The following TRHDE variants were observed in gnomAD, a reference collection of about 807,000 sequenced individuals.
The protein encoded by TRHDE is thyrotropin-releasing hormone-degrading ectoenzyme.
Under a neutral mutation model 125.7 loss-of-function variants are expected in TRHDE, and 72 were observed. The ratio of observed to expected loss-of-function variants is 0.57; its 90% CI spans 0.47 to 0.70. The LOEUF (loss-of-function observed/expected upper bound fraction) is 0.70, where lower values mean the gene tolerates loss of function less well. TRHDE is among the 30% of genes least tolerant of loss of function. The pLI, the probability that TRHDE is intolerant of heterozygous loss-of-function variation, is 0.00. For missense variants in TRHDE, 1,110 were observed against 1,327.1 expected (o/e 0.84, Z 2.54); for synonymous variants, 509 against 509.1 (o/e 1.00, Z 0.00).
intron 3 of TRHDE, among the ~76,000 whole-genome samples, chr12:72,438,465 A>T (rs1229118145): frequency 2.6e-5 from 4 of 151,872 alleles, no homozygotes; most frequent in African/African-American, 4.8e-5. Flanking sequence ...GATGATAGCC[A>T]TTCTAAGAGG....
At chr12:72,387,875 C>T (rs193211734) in intron 3 of TRHDE, among the ~76,000 whole-genome samples, 1 of 152,284 alleles carries the variant, frequency 6.6e-6, no homozygotes, top group African/African-American at 2.4e-5. Context: ...GAGGCCTCCC[C>T]AGCCATGTGG....
chr12:72,091,397 C>T (rs1206307424), intron 1 of TRHDE, among the ~76,000 whole-genome samples: 5 of 152,150 alleles, frequency 3.3e-5, no homozygotes, highest in African/African-American at 1.2e-4. Context: ...ATGTAAGGTA[C>T]AAGCCTCTTT....
At chr12:72,130,235 G>A (rs533993340) in intron 2 of TRHDE, among the ~76,000 whole-genome samples, 6 of 152,126 alleles carry the variant, frequency 3.9e-5, no homozygotes, top group South Asian at 2.1e-4. Flanking sequence ...CCCGGGAGGC[G>A]GAGGTTGCAG....
intron 2 of TRHDE, among the ~76,000 whole-genome samples, chr12:72,366,350 C>T (rs1421418073): frequency 2.0e-5 from 3 of 152,094 alleles, no homozygotes; most frequent in African/African-American, 4.8e-5. Context: ...AATTCCACAG[C>T]TTAGTAAATA....
At chr12:72,320,444 G>A (rs1277180545) in intron 2 of TRHDE, among the ~76,000 whole-genome samples, 1 of 151,906 alleles carries the variant, frequency 6.6e-6, no homozygotes, top group South Asian at 2.1e-4. Context: ...ATCTGTACAT[G>A]TTCAGTGCAG....
chr12:72,655,842 G>A (rs1385618332), intron 17 of TRHDE, among the ~76,000 whole-genome samples: 1 of 151,976 alleles, frequency 6.6e-6, no homozygotes, highest in African/African-American at 2.4e-5. Flanking sequence ...ATGCCTATTT[G>A]TTTGCTTTTA....
At chr12:72,224,264 ACC>A (rs66698655) in intron 2 of TRHDE, among the ~76,000 whole-genome samples, 3 of 150,010 alleles carry the variant, frequency 2.0e-5, no homozygotes, top group Non-Finnish European at 4.4e-5. Flanking sequence ...AATATGAAGG[ACC>A]CCCCCCTAGG....
intron 15 of TRHDE, among the ~76,000 whole-genome samples, chr12:72,635,931 T>C (rs1006669491): frequency 6.6e-6 from 1 of 152,214 alleles, no homozygotes; most frequent in South Asian, 2.1e-4. Flanking sequence ...TGAAGTCAGG[T>C]AGCATGATGC....
intron 1 of TRHDE, among the ~76,000 whole-genome samples, chr12:72,092,773 A>G (rs1372479324): frequency 1.3e-5 from 2 of 152,238 alleles, no homozygotes; most frequent in South Asian, 4.1e-4. Context: ...TTAAGAGTCA[A>G]AACAGGTGAC....
intron 6 of TRHDE, among the ~76,000 whole-genome samples, chr12:72,519,661 G>A (rs999236518): frequency 7.9e-5 from 12 of 152,164 alleles, no homozygotes; most frequent in Non-Finnish European, 1.3e-4. Flanking sequence ...GTCATTCTCC[G>A]TCCAGCTTTA....
chr12:72,580,538 T>G (rs1170882657), intron 12 of TRHDE, among the ~76,000 whole-genome samples: 1 of 152,188 alleles, frequency 6.6e-6, no homozygotes, highest in Non-Finnish European at 1.5e-5. Context: ...GCCTCCTGGG[T>G]TGAAGTGATT....
At chr12:72,329,145 G>A (rs1158732773) in intron 2 of TRHDE, among the ~76,000 whole-genome samples, 1 of 152,148 alleles carries the variant, frequency 6.6e-6, no homozygotes, top group Non-Finnish European at 1.5e-5. Context: ...ACAGTTGGCT[G>A]GTTAGGGACA....
chr12:72,311,379 G>A (rs539367291), intron 2 of TRHDE, among the ~76,000 whole-genome samples: 8 of 152,242 alleles, frequency 5.3e-5, no homozygotes, highest in African/African-American at 1.2e-4. Flanking sequence ...AATTATGGTC[G>A]TCTATGGGCA....
chr12:72,532,652 T>C (rs1250824020), intron 6 of TRHDE, among the ~76,000 whole-genome samples: 1 of 151,398 alleles, frequency 6.6e-6, no homozygotes, highest in Non-Finnish European at 1.5e-5. Flanking sequence ...ACATTTGAGA[T>C]GATTAAACAA....
At position 72,273,389 on chromosome 12, in the gene TRHDE, C is replaced by A; in HGVS notation, c.746C>A (p.Pro249His). The change falls in exon 1 of 19, where the codon CCT becomes CAT. Residue 249 changes from proline to histidine, a missense_variant. Physicochemically the swap from Pro to His is moderately conservative, Grantham distance 77. This residue lies in a region of TRHDE where 72 missense variants were observed against 122.2 expected (regional missense o/e 0.59). Transcript: ENST00000261180. This position sits in a 1 kb window ranked among gnomAD's most constrained non-coding sequence, Gnocchi z 5.3. ...LAEDRAFGAV[P>H]VAGFFLYPQT... ...GAGGACCGGGCGTTCGGGGCTGTCC[C>A]TGTAGCCGGTTTTTTCCTCTACCCG... 1 of 1,614,194 alleles carries A rather than the reference C, an allele frequency of 6.2e-7. No individual in the cohort carries two copies. Among genetic ancestry groups the A allele is most frequent in the Non-Finnish European group, 8.5e-7 (1 of 1,180,038 alleles).
At chr12:72,142,280 T>C (rs115754562) in intron 2 of TRHDE, among the ~76,000 whole-genome samples, 1 of 152,144 alleles carries the variant, frequency 6.6e-6, no homozygotes, top group African/African-American at 2.4e-5. Flanking sequence ...AGGTGCTCAC[T>C]TGGATCTCTT....
intron 2 of TRHDE, among the ~76,000 whole-genome samples, chr12:72,371,025 G>A (rs186587981): frequency 7.0e-4 from 107 of 152,218 alleles, no homozygotes; most frequent in Admixed American, 1.8e-3. Context: ...GATTACAGGC[G>A]TGAGCCACTG....
chr12:72,319,005 G>A (rs1173081866), intron 2 of TRHDE, among the ~76,000 whole-genome samples: 6 of 152,114 alleles, frequency 3.9e-5, no homozygotes, highest in Admixed American at 6.6e-5. Context: ...GGGCACAGTC[G>A]GTGAGAGCTA....
chr12:72,347,298 G>T (rs1870367920), intron 2 of TRHDE, among the ~76,000 whole-genome samples: 1 of 152,036 alleles, frequency 6.6e-6, no homozygotes, highest in African/African-American at 2.4e-5. Context: ...CAGATTTTGG[G>T]TAGAGACAAG....
Sources: gnomAD v4.1 joint callset for allele counts (sites outside exome capture counted in the v4.1 genomes callset) on GRCh38, gnomAD v4.1.1 for gene constraint, gnomAD v4.1.1 regional missense constraint, Gnocchi (gnomAD v3.1) non-coding constraint, MANE v1.5 for transcripts, NCBI Gene and HGNC (gene_info 2026-07-23, HGNC 2026-07-21) for gene names.